LARP6: variants seen among roughly 807,000 people sequenced by gnomAD.
LARP6 encodes the protein la-related protein 6.
In LARP6, 18 loss-of-function variants were observed where a neutral mutation model predicts 32.8. The ratio of observed to expected loss-of-function variants is 0.55; its 90% confidence interval spans 0.38 to 0.81. The LOEUF is 0.81. Ranked by LOEUF, LARP6 falls within the 40% of genes least tolerant of loss-of-function variation. The pLI is 0.00. For synonymous variants in LARP6, 289 were observed against 267.2 expected (o/e 1.08, Z -0.80); for missense variants, 598 against 663.1 (o/e 0.90, Z 1.08).
In LARP6 at chr15:70,840,314, G is replaced by GAT. The variant is rs2032229295; in HGVS notation, c.201-3810_201-3809insAT. On this transcript the variant is annotated intron_variant, in intron 1 of 2. Transcript: ENST00000299213. ...CAGCACTTTGGGAGGCTGAGGCAGG[G>GAT]GGATCACTTGAGGTTAGGAGTTTGA... Among the ~76,000 whole-genome samples, 4 of 152,170 alleles carry GAT rather than the reference G, an allele frequency of 2.6e-5. No homozygotes were observed. In the South Asian group the frequency reaches 8.3e-4, roughly 32 times the overall value.
At chr15:70,840,435 G>T (rs1022981557) in intron 1 of LARP6, among the ~76,000 whole-genome samples, 18 of 152,126 alleles carry the variant, frequency 1.2e-4, no homozygotes, top group Non-Finnish European at 2.6e-4. Flanking sequence ...AGCTACTCAG[G>T]AGGCTGAGGC....
chr15:70,850,577 C>A (rs1414931162), intron 1 of LARP6, among the ~76,000 whole-genome samples: 1 of 152,146 alleles, frequency 6.6e-6, no homozygotes, highest in African/African-American at 2.4e-5. Context: ...CAACAGAACC[C>A]AGGATGAGAA....
intron 1 of LARP6, chr15:70,853,092 C>T (rs1400921635): frequency 1.3e-5 from 2 of 152,292 alleles, no homozygotes; most frequent in Non-Finnish European, 2.9e-5. Flanking sequence ...GAACAAAACA[C>T]CAGTCCTTAA....
intron 1 of LARP6, chr15:70,849,763 G>C (rs2032415654): frequency 6.6e-6 from 1 of 152,212 alleles, no homozygotes. Flanking sequence ...ATTGGAGAGA[G>C]AGGAAGAGTA....
At position 70,845,177 on chromosome 15, in the gene LARP6, T is replaced by A. The variant is rs556859581; in HGVS notation, c.201-8672A>T. 1.3e-4 allele frequency among the ~76,000 whole-genome samples: 20 copies of A among 151,944 alleles called. No individual in the cohort carries two copies. The South Asian group carries it at 3.3e-3, about 25-fold the overall frequency. On this transcript the variant is annotated intron_variant, in intron 1 of 2. Transcript: ENST00000299213. Reference sequence around the variant, plus strand: ...AATTAGTTCATTAGTTCATTATATATTATTATTACCTAAAGTCCATATTTT... The same window carrying A: ...AATTAGTTCATTAGTTCATTATATAATATTATTACCTAAAGTCCATATTTT...
In LARP6 at chr15:70,832,400, G is replaced by C. The variant is rs776840540; in HGVS notation, c.1128C>G (p.Ser376=). The part of the protein sequence containing the change: ...HQNLFLSPNA[S]PCTSPWSSPL... The stretch of plus-strand genomic sequence containing the variant: ...GGCTGCTCCAAGGACTTGTGCACGG[G>C]GAGGCATTTGGACTCAGAAAGAGAT... The change falls in exon 3 of 3, where the codon TCC becomes TCG. Residue 376 remains serine, a synonymous_variant. Coordinates refer to ENST00000299213, the MANE Select transcript of LARP6 (RefSeq NM_018357.4). 1 of 1,603,704 alleles carries C rather than the reference G, an allele frequency of 6.2e-7. No homozygotes were observed. Among genetic ancestry groups the C allele is most frequent in the African/African-American group, 1.3e-5 (1 of 74,710 alleles).
Position 70,836,340 on chromosome 15 carries a change from G to C in LARP6, c.366C>G (p.Asn122Lys). The change falls in exon 2 of 3, where the codon AAC becomes AAG. Residue 122 changes from asparagine (N) to lysine (K), a missense_variant. This residue lies in a region of LARP6 where 69 missense variants were observed against 116.7 expected (regional missense o/e 0.59). Transcript: ENST00000299213. ...GCTTAACGCTCACATATCCCAGCTT[G>C]TTCCTCCTCACGTGTTTTAGCAAAA... ...DAFLLKHVRR[N>K]KLGYVSVKLL... The C allele has an allele frequency of 6.2e-7, 1 of 1,614,150 alleles. No homozygotes were observed. Among genetic ancestry groups the C allele is most frequent in the Non-Finnish European group, 8.5e-7 (1 of 1,180,014 alleles).
Position 70,832,302 on chromosome 15 carries a change from C to A in LARP6, c.1226G>T (p.Ser409Ile). Reference sequence around the variant, plus strand: ...CATACACTTGCGGAAGATCTCAGGGCTGGTGCTGCAGTTCAGTCTACCTTC... The same window carrying A: ...CATACACTTGCGGAAGATCTCAGGGATGGTGCTGCAGTTCAGTCTACCTTC... ...AEEGRLNCST[S>I]PEIFRKCMDY... The change falls in exon 3 of 3, where the codon AGC becomes ATC. Residue 409 changes from serine to isoleucine, a missense_variant. Coordinates refer to ENST00000299213, the MANE Select transcript of LARP6 (RefSeq NM_018357.4). 1 of 1,614,250 alleles carries A rather than the reference C, an allele frequency of 6.2e-7. No individual in the cohort carries two copies. Among genetic ancestry groups the A allele is most frequent in the Non-Finnish European group, 8.5e-7 (1 of 1,180,048 alleles).
intron 1 of LARP6, chr15:70,853,411 C>G (rs1441593118): frequency 6.5e-6 from 1 of 152,938 alleles, no homozygotes; most frequent in African/African-American, 2.4e-5. Context: ...CTGCTACCAC[C>G]TAAAGACTGA....
chr15:70,851,978 G>C, intron 1 of LARP6: 2 of 483,210 alleles, frequency 4.1e-6, no homozygotes, highest in East Asian at 7.7e-5. Context: ...TCACGGGAGC[G>C]TGAACTGTTG....
intron 1 of LARP6, among the ~76,000 whole-genome samples, chr15:70,839,084 A>C (rs1054306223): frequency 6.6e-6 from 1 of 152,200 alleles, no homozygotes; most frequent in African/African-American, 2.4e-5. Context: ...AGTTTTAGCT[A>C]TTTGCCTGTA....
chr15:70,833,100 C>T lies in LARP6; in HGVS notation c.428G>A (p.Arg143Gln), dbSNP rs1339721903. 6 of 1,613,918 alleles carry T rather than the reference C, an allele frequency of 3.7e-6. No homozygotes were observed. Among genetic ancestry groups the T allele is most frequent in the East Asian group, 4.5e-5 (2 of 44,884 alleles). ...TSFKKVKHLT[R>Q]DWRTTAHALK... is the part of the protein sequence containing the mutation. ...AGCATGTGCTGTGGTTCTCCAGTCCCGTGTAAGATGTTTCACCTGCAGAAC... is the reference window on the plus strand; with the variant it reads ...AGCATGTGCTGTGGTTCTCCAGTCCTGTGTAAGATGTTTCACCTGCAGAAC... Residue 143 changes from arginine (R) to glutamine (Q), a missense_variant, in exon 3 of 3, where the codon CGG becomes CAG. Arg to Gln is a conservative substitution (Grantham distance 43). This residue lies in a region of LARP6 where 69 missense variants were observed against 116.7 expected (regional missense o/e 0.59). Transcript: ENST00000299213.
At chr15:70,844,435 C>A (rs2032312784) in intron 1 of LARP6, among the ~76,000 whole-genome samples, 1 of 152,036 alleles carries the variant, frequency 6.6e-6, no homozygotes, top group Non-Finnish European at 1.5e-5. Flanking sequence ...TTCATTTTGC[C>A]ATGGTTCATA....
At chr15:70,847,482 G>T (rs1347321097) in intron 1 of LARP6, among the ~76,000 whole-genome samples, 2 of 151,802 alleles carry the variant, frequency 1.3e-5, no homozygotes, top group South Asian at 2.1e-4. Context: ...CGATTCTCCC[G>T]CCTCAGCCTC....
At chr15:70,839,002 T>G (rs754315774) in intron 1 of LARP6, among the ~76,000 whole-genome samples, 1 of 151,480 alleles carries the variant, frequency 6.6e-6, no homozygotes, top group Non-Finnish European at 1.5e-5. Context: ...CAAATAAATC[T>G]ATTTAAAAAT....
chr15:70,836,351 C>G lies in LARP6; in HGVS notation c.355G>C (p.Val119Leu). 1.2e-6 allele frequency: 2 copies of G among 1,614,130 alleles called. No homozygotes were observed. Among genetic ancestry groups the G allele is most frequent in the East Asian group, 2.2e-5 (1 of 44,878 alleles). The change falls in exon 2 of 3, where the codon GTG becomes CTG. Residue 119 changes from valine to leucine, a missense_variant. Coordinates refer to ENST00000299213, the MANE Select transcript of LARP6 (RefSeq NM_018357.4). ...ACATATCCCAGCTTGTTCCTCCTCA[C>G]GTGTTTTAGCAAAAAGGCGTCCTTC... ...LEKDAFLLKHVRRNKLGYVSV... is the reference protein window; with the variant it reads ...LEKDAFLLKHLRRNKLGYVSV...
intron 2 of LARP6, 66 bp downstream of exon 2, chr15:70,836,226 AAAT>A: frequency 7.3e-7 from 1 of 1,365,776 alleles, no homozygotes; most frequent in Non-Finnish European, 1.0e-6. Flanking sequence ...GAGTTAAAAA[AAAT>A]GTTTAAAACC....
chr15:70,848,569 T>C (rs775749248), intron 1 of LARP6, among the ~76,000 whole-genome samples: 19 of 152,162 alleles, frequency 1.2e-4, no homozygotes, highest in Admixed American at 2.6e-4. Flanking sequence ...CTGTCTCTAC[T>C]AAAAATACAA....
At chr15:70,838,271 T>C (rs2032183843) in intron 1 of LARP6, among the ~76,000 whole-genome samples, 1 of 152,222 alleles carries the variant, frequency 6.6e-6, no homozygotes, top group Non-Finnish European at 1.5e-5. Context: ...TTCTATTACC[T>C]GTAAATTGGG....
Sources: gnomAD v4.1 joint callset for allele counts (sites outside exome capture counted in the v4.1 genomes callset) on GRCh38, gnomAD v4.1.1 for gene constraint, gnomAD v4.1.1 regional missense constraint, MANE v1.5 for transcripts, NCBI Gene and HGNC (gene_info 2026-07-23, HGNC 2026-07-21) for gene names.